The following CCSER1 variants were observed in gnomAD, a reference collection of about 807,000 sequenced individuals.
CCSER1 encodes coiled-coil serine rich protein 1.
Under a neutral mutation model 82.0 loss-of-function variants are expected in CCSER1, and 41 were observed. The observed-to-expected ratio is 0.50, with a 90% confidence interval of 0.39 to 0.65. The LOEUF is 0.65. CCSER1 is among the 30% of genes least tolerant of loss of function. CCSER1 has a pLI of 0.00. For missense variants in CCSER1, 1,119 were observed against 1,064.2 expected (o/e 1.05, Z -0.72); for synonymous variants, 414 against 383.9 (o/e 1.08, Z -0.92).
intron 6 of CCSER1, among the ~76,000 whole-genome samples, chr4:90,659,028 G>A (rs998104742): frequency 1.3e-5 from 2 of 150,056 alleles, no homozygotes; most frequent in Non-Finnish European, 2.9e-5. Context: ...AAAAAGTGGT[G>A]TGTGCAGTTC....
At chr4:90,389,268 G>T (rs1284109788) in intron 3 of CCSER1, among the ~76,000 whole-genome samples, 1 of 152,126 alleles carries the variant, frequency 6.6e-6, no homozygotes, top group Non-Finnish European at 1.5e-5. Flanking sequence ...TTTCCAGTGA[G>T]GCTGACATGA....
intron 3 of CCSER1, among the ~76,000 whole-genome samples, chr4:90,347,993 T>G (rs1742707527): frequency 6.6e-6 from 1 of 152,124 alleles, no homozygotes; most frequent in Non-Finnish European, 1.5e-5. Context: ...GAGGACATTA[T>G]CTTTAGCAAG....
chr4:90,460,132 C>T (rs2153582960), intron 4 of CCSER1, among the ~76,000 whole-genome samples: 1 of 145,930 alleles, frequency 6.9e-6, no homozygotes, highest in Non-Finnish European at 1.5e-5. Context: ...CGAGACCATC[C>T]TGGCTAACAC....
At chr4:91,276,503 A>C (rs1194963104) in intron 10 of CCSER1, among the ~76,000 whole-genome samples, 1 of 151,828 alleles carries the variant, frequency 6.6e-6, no homozygotes, top group East Asian at 1.9e-4. Context: ...GTATCCTTCA[A>C]CTTTACTGAA....
At chr4:90,449,390 G>T (rs956181337) in intron 4 of CCSER1, among the ~76,000 whole-genome samples, 2 of 152,206 alleles carry the variant, frequency 1.3e-5, no homozygotes, top group African/African-American at 4.8e-5. Flanking sequence ...AAAACTGGCA[G>T]CCCAGTTCCC....
intron 9 of CCSER1, among the ~76,000 whole-genome samples, chr4:90,936,401 A>G (rs763862782): frequency 1.3e-5 from 2 of 152,134 alleles, no homozygotes; most frequent in African/African-American, 4.8e-5. Flanking sequence ...ATTTGTTCTC[A>G]TTAGGTGAAC....
At chr4:90,194,017 C>A (rs1736143831) in intron 1 of CCSER1, among the ~76,000 whole-genome samples, 1 of 151,926 alleles carries the variant, frequency 6.6e-6, no homozygotes, top group African/African-American at 2.4e-5. Context: ...TCATTGAGTT[C>A]TTTTGAAATA....
At chr4:90,525,018 C>A (rs1170689590) in intron 5 of CCSER1, among the ~76,000 whole-genome samples, 2 of 151,964 alleles carry the variant, frequency 1.3e-5, no homozygotes. Context: ...AAGACCATTT[C>A]TATCAGAAAA....
chr4:91,170,388 A>C (rs1732627793), intron 10 of CCSER1, among the ~76,000 whole-genome samples: 1 of 152,202 alleles, frequency 6.6e-6, no homozygotes, highest in Admixed American at 6.5e-5. Context: ...CCAATGAAGC[A>C]AAAAATGACA....
At chr4:91,105,502 G>A (rs1013254710) in intron 10 of CCSER1, among the ~76,000 whole-genome samples, 3 of 152,020 alleles carry the variant, frequency 2.0e-5, no homozygotes, top group South Asian at 2.1e-4. Context: ...TCAGGAGTTT[G>A]AGACCAGCCT....
intron 1 of CCSER1, among the ~76,000 whole-genome samples, chr4:90,297,426 A>G (rs1015446097): frequency 5.9e-5 from 9 of 152,020 alleles, no homozygotes; most frequent in Non-Finnish European, 1.2e-4. Flanking sequence ...ATATATAATC[A>G]TGTCATCTGC....
At chr4:91,151,466 T>C (rs746883434) in intron 10 of CCSER1, among the ~76,000 whole-genome samples, 6 of 152,204 alleles carry the variant, frequency 3.9e-5, no homozygotes, top group Non-Finnish European at 5.9e-5. Context: ...TGTCTCTATT[T>C]CCTTCAGTTC....
intron 10 of CCSER1, among the ~76,000 whole-genome samples, chr4:91,214,584 ACT>A (rs1305217737): frequency 2.6e-5 from 4 of 152,220 alleles, no homozygotes; most frequent in Non-Finnish European, 5.9e-5. Flanking sequence ...TTGTGAGCAG[ACT>A]CTATTTTTCT....
intron 10 of CCSER1, among the ~76,000 whole-genome samples, chr4:91,279,618 T>C (rs1470029552): frequency 1.3e-5 from 2 of 152,106 alleles, no homozygotes; most frequent in Non-Finnish European, 2.9e-5. Context: ...ATCTATCTCT[T>C]TGGTAAATTG....
At chr4:90,733,378 A>G (rs1049705710) in intron 7 of CCSER1, among the ~76,000 whole-genome samples, 6 of 152,120 alleles carry the variant, frequency 3.9e-5, no homozygotes, top group African/African-American at 1.2e-4. Flanking sequence ...TTTAAATTGC[A>G]TTGTTAATTT....
At chr4:90,851,861 C>T (rs942272775) in intron 8 of CCSER1, among the ~76,000 whole-genome samples, 9 of 152,034 alleles carry the variant, frequency 5.9e-5, no homozygotes, top group South Asian at 2.1e-4. Context: ...GTTATCTGTG[C>T]GTTAATATTA....
At chr4:91,219,444 C>G (rs890586067) in intron 10 of CCSER1, among the ~76,000 whole-genome samples, 10 of 151,092 alleles carry the variant, frequency 6.6e-5, no homozygotes, top group Admixed American at 6.0e-4. Flanking sequence ...TCTCAAATAG[C>G]TGGGTCTGCA....
At chr4:91,367,944 T>C (rs1427799064) in intron 10 of CCSER1, among the ~76,000 whole-genome samples, 1 of 152,202 alleles carries the variant, frequency 6.6e-6, no homozygotes, top group Non-Finnish European at 1.5e-5. Context: ...ATAATAAATG[T>C]GTCTTACTTT....
rs142471010 is a variant in CCSER1 at position 91,585,275 on chromosome 4, T to C, written c.2218-13297T>C. On this transcript the variant is annotated intron_variant, in intron 10 of 10. Transcript: ENST00000509176. Reference sequence around the variant, plus strand: ...TCTGACTTTTCAGTAATCCAAGATATAGTCACTCTGAAGGATTTAGTTGAG... The same window carrying C: ...TCTGACTTTTCAGTAATCCAAGATACAGTCACTCTGAAGGATTTAGTTGAG... Among the ~76,000 whole-genome samples the C allele has an allele frequency of 4.0e-5, 6 of 151,626 alleles. No homozygotes were observed. In the East Asian group the frequency reaches 1.2e-3, roughly 29 times the overall value.
Sources: gnomAD v4.1 joint callset for allele counts (sites outside exome capture counted in the v4.1 genomes callset) on GRCh38, gnomAD v4.1.1 for gene constraint, MANE v1.5 for transcripts, NCBI Gene and HGNC (gene_info 2026-07-23, HGNC 2026-07-21) for gene names.